FBXO42: variants seen among roughly 807,000 people sequenced by gnomAD.
The protein encoded by FBXO42 is F-box only protein 42.
A neutral mutation model predicts 71.7 loss-of-function variants in FBXO42; 12 were observed. The ratio of observed to expected loss-of-function variants is 0.17; its 90% CI spans 0.11 to 0.27. The LOEUF is 0.27. Ranked by LOEUF, FBXO42 falls within the 10% of genes least tolerant of loss-of-function variation. The probability of loss-of-function intolerance (pLI) is 1.00; values close to 1 mark genes in which losing one functional copy is unlikely to be tolerated. For missense variants in FBXO42, 707 were observed against 911.9 expected (o/e 0.78, Z 2.89); for synonymous variants, 325 against 327.5 (o/e 0.99, Z 0.08).
At chr1:16,327,104 A>C (rs1339365548) in intron 1 of FBXO42, among the ~76,000 whole-genome samples, 2 of 152,200 alleles carry the variant, frequency 1.3e-5, no homozygotes, top group Non-Finnish European at 2.9e-5. Context: ...TTATCTTTGT[A>C]CATCTGGCAC....
rs115455501 is a variant in FBXO42 at position 16,275,957 on chromosome 1, C to T, written c.502+18826G>A. Among the ~76,000 whole-genome samples, 904 of 151,558 alleles carry T rather than the reference C, an allele frequency of 6.0e-3. 6 individuals are homozygous for T. Among genetic ancestry groups the T allele is most frequent in the African/African-American group, 0.021 (861 of 41,352 alleles). On this transcript the variant is annotated intron_variant, in intron 4 of 9. Coordinates refer to ENST00000375592, the MANE Select transcript of FBXO42 (RefSeq NM_018994.3). ...CAGCCTTGGCAACAGAGTGAGACCCCGTCTCAAAATAAATAAACAAAAAAG... is the reference window on the plus strand; with the variant it reads ...CAGCCTTGGCAACAGAGTGAGACCCTGTCTCAAAATAAATAAACAAAAAAG...
At chr1:16,288,446 A>T (rs199549845) in intron 4 of FBXO42, among the ~76,000 whole-genome samples, 97 of 143,880 alleles carry the variant, frequency 6.7e-4, no homozygotes, top group East Asian at 5.2e-3. Context: ...ATAAAAATAA[A>T]AATAAAAATA....
intron 1 of FBXO42, among the ~76,000 whole-genome samples, chr1:16,324,453 CAAGA>C (rs1296206217): frequency 6.6e-5 from 10 of 152,040 alleles, no homozygotes; most frequent in Non-Finnish European, 1.5e-4. Flanking sequence ...CTTAACAGTT[CAAGA>C]AAGAAAGAGA....
intron 1 of FBXO42, among the ~76,000 whole-genome samples, chr1:16,319,746 A>G (rs1389751626): frequency 6.6e-6 from 1 of 151,954 alleles, no homozygotes; most frequent in Non-Finnish European, 1.5e-5. Context: ...CTCCGTCTCT[A>G]CTAAAAATAC....
intron 4 of FBXO42, among the ~76,000 whole-genome samples, chr1:16,270,920 A>G (rs1044349205): frequency 6.6e-6 from 1 of 151,818 alleles, no homozygotes; most frequent in African/African-American, 2.4e-5. Context: ...ACAGTGTGAC[A>G]TATGGTGATA....
At chr1:16,264,596 G>T (rs2081751187) in intron 4 of FBXO42, among the ~76,000 whole-genome samples, 1 of 152,160 alleles carries the variant, frequency 6.6e-6, no homozygotes, top group Non-Finnish European at 1.5e-5. Flanking sequence ...CATGTTACTT[G>T]AGCCTCTTCC....
At chr1:16,268,318 A>G (rs1306680461) in intron 4 of FBXO42, among the ~76,000 whole-genome samples, 2 of 152,216 alleles carry the variant, frequency 1.3e-5, no homozygotes, top group African/African-American at 2.4e-5. Context: ...GATCTGTCCT[A>G]TACAAATTTT....
intron 4 of FBXO42, chr1:16,292,624 T>TA (rs1054160814): frequency 1.8e-4 from 26 of 146,068 alleles, no homozygotes; most frequent in South Asian, 4.3e-4. Context: ...CTTGATGGTT[T>TA]AAAAAAAAAA....
intron 4 of FBXO42, among the ~76,000 whole-genome samples, chr1:16,285,133 A>G (rs867091395): frequency 2.6e-5 from 4 of 151,882 alleles, no homozygotes; most frequent in African/African-American, 9.7e-5. Flanking sequence ...CGACACTGCA[A>G]GACTCATCTC....
intron 4 of FBXO42, among the ~76,000 whole-genome samples, chr1:16,291,993 G>T (rs1214225875): frequency 6.6e-6 from 1 of 152,072 alleles, no homozygotes. Flanking sequence ...TTAAACAATT[G>T]TTTTTTATAA....
rs752571195 is a variant in FBXO42, at chr1:16,252,294, A to C, written c.1032T>G (p.Ala344=). Residue 344 remains alanine, a synonymous_variant, in exon 9 of 10, where the codon GCT becomes GCG. Coordinates refer to ENST00000375592, the MANE Select transcript of FBXO42 (RefSeq NM_018994.3). This position sits in a 1 kb window ranked among gnomAD's most constrained non-coding sequence, Gnocchi z 4.4. Reference sequence around the variant, plus strand: ...CTGTCAGCTCCCTGCTTACCCGGCAAGCTGGATGGCACCACAGTTCTGGGG... The same window carrying C: ...CTGTCAGCTCCCTGCTTACCCGGCACGCTGGATGGCACCACAGTTCTGGGG... The part of the protein sequence containing the change: ...HGAPELWCHP[A]CRVGQCVVVF... 6.2e-7 allele frequency: 1 copy of C among 1,613,784 alleles called. No individual in the cohort carries two copies. Among genetic ancestry groups the C allele is most frequent in the Non-Finnish European group, 8.5e-7 (1 of 1,179,654 alleles).
In FBXO42 at chr1:16,341,058, A is replaced by G. The variant is rs113140638; in HGVS notation, c.-18+11197T>C. On this transcript the variant is annotated intron_variant, in intron 1 of 9. Transcript: ENST00000375592. Reference sequence around the variant, plus strand: ...CCTCACTGTGTAGGTGTGGAAATGAATAAGGACTACCTCTGTTCCAATATG... The same window carrying G: ...CCTCACTGTGTAGGTGTGGAAATGAGTAAGGACTACCTCTGTTCCAATATG... Among the ~76,000 whole-genome samples, 935 of 152,364 alleles carry G rather than the reference A, an allele frequency of 6.1e-3. 10 individuals are homozygous for G. The highest frequency in any genetic ancestry group is 0.021 in the African/African-American group (886 of 41,588).
intron 2 of FBXO42, among the ~76,000 whole-genome samples, chr1:16,314,808 C>G (rs914049046): frequency 4.0e-5 from 6 of 151,276 alleles, no homozygotes; most frequent in Non-Finnish European, 5.9e-5. Flanking sequence ...AACATGACCC[C>G]GGGAGGCAGA....
At chr1:16,327,370 T>C (rs919961644) in intron 1 of FBXO42, among the ~76,000 whole-genome samples, 1 of 152,070 alleles carries the variant, frequency 6.6e-6, no homozygotes, top group African/African-American at 2.4e-5. Context: ...TTAACTGAAA[T>C]AAAAACAAAT....
At chr1:16,271,265 G>T (rs560162105) in intron 4 of FBXO42, among the ~76,000 whole-genome samples, 2,600 of 75,498 alleles carry the variant, frequency 0.034, 43 homozygotes, top group Non-Finnish European at 0.062. Flanking sequence ...GTTGGTGTGT[G>T]TGTGTGTGTG....
chr1:16,322,037 G>A (rs1461363854), intron 1 of FBXO42, among the ~76,000 whole-genome samples: 1 of 152,052 alleles, frequency 6.6e-6, no homozygotes, highest in East Asian at 1.9e-4. Context: ...AGGCGTGGTG[G>A]CAGGCGCCTG....
At chr1:16,289,424 A>G (rs1397724005) in intron 4 of FBXO42, among the ~76,000 whole-genome samples, 1 of 150,588 alleles carries the variant, frequency 6.6e-6, no homozygotes, top group African/African-American at 2.4e-5. Context: ...AAAAAAAAAA[A>G]GTAATCCAGA....
chr1:16,329,176 A>AG (rs1285781307), intron 1 of FBXO42, among the ~76,000 whole-genome samples: 2 of 151,008 alleles, frequency 1.3e-5, no homozygotes, highest in South Asian at 2.1e-4. Context: ...AAAAAAAAAA[A>AG]AAAAAAGAAA....
chr1:16,313,332 G>GAGA (rs1557597910), intron 2 of FBXO42, among the ~76,000 whole-genome samples: 19 of 61,568 alleles, frequency 3.1e-4, no homozygotes, highest in African/African-American at 7.8e-4. Flanking sequence ...AACAAAGAAA[G>GAGA]AAAGAAAGAA....
Sources: allele counts gnomAD v4.1 joint callset (sites outside exome capture counted in the v4.1 genomes callset), GRCh38; gene constraint gnomAD v4.1.1; non-coding constraint Gnocchi (gnomAD v3.1); transcripts MANE v1.5; gene names NCBI Gene and HGNC (gene_info 2026-07-23, HGNC 2026-07-21).